The following NEMF variants were observed in gnomAD, a reference collection of about 807,000 sequenced individuals.
The protein encoded by NEMF is ribosome quality control complex subunit NEMF.
In NEMF, 89 loss-of-function variants were observed where a neutral mutation model predicts 162.2. That is an observed-to-expected ratio of 0.55 (90% CI 0.46 to 0.65). The LOEUF (loss-of-function observed/expected upper bound fraction) is 0.65. Among genes scored for constraint, NEMF ranks in the 30% least tolerant of loss-of-function variants. NEMF has a pLI of 0.00. For missense variants in NEMF, 1,133 were observed against 1,261.9 expected (o/e 0.90, Z 1.55); for synonymous variants, 421 against 404.5 (o/e 1.04, Z -0.49).
At position 49,804,008 on chromosome 14, in the gene NEMF, C is replaced by CT. The variant is rs777983337; in HGVS notation, c.1858-715dup. ...ACTGTTTTTGATAATAAAGTTTTGC[C>CT]TTTTTTTTTTTTTTGAGACAGAGTC... is the stretch of plus-strand genomic sequence containing the variant. On this transcript the variant is annotated intron_variant, in intron 19 of 32. Coordinates refer to ENST00000298310, the MANE Select transcript of NEMF (RefSeq NM_004713.6). Among the ~76,000 whole-genome samples, 1,017 of 139,556 alleles carry CT rather than the reference C, an allele frequency of 7.3e-3. 2 individuals are homozygous for CT. Among genetic ancestry groups the CT allele is most frequent in the Non-Finnish European group, 8.8e-3 (558 of 63,594 alleles). The allele number at this position is 139,556 out of a possible 152,430, so 91.6% of individuals were successfully genotyped here.
chr14:49,806,560 G>T (rs1778375915), intron 18 of NEMF, among the ~76,000 whole-genome samples: 1 of 151,038 alleles, frequency 6.6e-6, no homozygotes, highest in South Asian at 2.1e-4. Context: ...GAACCCGGCC[G>T]GTCAATCACA....
In NEMF at chr14:49,834,393, C is replaced by T; in HGVS notation, c.631G>A (p.Val211Ile). Residue 211 changes from valine to isoleucine, a missense_variant, in exon 7 of 33, where the codon GTC becomes ATC. Val to Ile is a conservative substitution (Grantham distance 29). This residue lies in a region of NEMF where 582 missense variants were observed against 631.5 expected (regional missense o/e 0.92). Coordinates refer to ENST00000298310, the MANE Select transcript of NEMF (RefSeq NM_004713.6). ...CLLENGFSGN[V>I]KVDEKLETKD... ...GTTTCAAGTTTTTCATCCACTTTGA[C>T]ATTACCCGAGAATCCATTTTCTAAA... 1 of 1,608,382 alleles carries T rather than the reference C, an allele frequency of 6.2e-7. No individual in the cohort carries two copies. Among genetic ancestry groups the T allele is most frequent in the Non-Finnish European group, 8.5e-7 (1 of 1,174,778 alleles).
chr14:49,827,813 C>CAA (rs749485902), intron 15 of NEMF, among the ~76,000 whole-genome samples: 1 of 124,868 alleles, frequency 8.0e-6, no homozygotes, highest in African/African-American at 3.0e-5. Context: ...AACTCCATCG[C>CAA]AAAAAAAAAA....
intron 16 of NEMF, among the ~76,000 whole-genome samples, chr14:49,818,094 T>C (rs895102263): frequency 6.6e-5 from 10 of 150,834 alleles, no homozygotes; most frequent in Non-Finnish European, 1.5e-5. Flanking sequence ...CTTTTTTTTT[T>C]TTTTTTTTTC....
chr14:49,784,540 A>G lies in NEMF; in HGVS notation c.*96T>C. On this transcript the variant is annotated 3_prime_UTR_variant, in exon 33 of 33. Coordinates refer to ENST00000298310, the MANE Select transcript of NEMF (RefSeq NM_004713.6). ...GCAAGGCAATGTTTAGTTCATTTTT[A>G]TAATGCGGAAATCCTGATACATGGT... is the stretch of plus-strand genomic sequence containing the variant. The G allele has an allele frequency of 1.2e-6, 1 of 826,224 alleles. No homozygotes were observed. The highest frequency in any genetic ancestry group is 2.0e-6 in the Non-Finnish European group (1 of 511,098). 51.2% of individuals were successfully genotyped at this position (826,224 alleles called of 1,614,324 possible). A position where few individuals can be genotyped will look rare whatever the true frequency, so the allele number is the denominator to read the frequency against.
At chr14:49,810,371 A>C (rs1407730390) in intron 18 of NEMF, among the ~76,000 whole-genome samples, 1 of 152,110 alleles carries the variant, frequency 6.6e-6, no homozygotes. Context: ...CATCTCAAAA[A>C]ACCAAAAACA....
In NEMF at chr14:49,840,802, T is replaced by G. The variant is rs1893164280; in HGVS notation, c.422A>C (p.Glu141Ala). The G allele has an allele frequency of 6.2e-7, 1 of 1,613,602 alleles. No homozygotes were observed. Among genetic ancestry groups the G allele is most frequent in the Non-Finnish European group, 8.5e-7 (1 of 1,179,634 alleles). ...ILNILRFRTD[E>A]ADDVKFAVRE... ...AACAGCAAATTTAACATCATCTGCC[T>G]CATCAGTTCGAAACCTTAGAATATT... Residue 141 changes from glutamate (E) to alanine (A), a missense_variant, in exon 5 of 33, where the codon GAG becomes GCG. This residue lies in a region of NEMF where 582 missense variants were observed against 631.5 expected (regional missense o/e 0.92). Transcript: ENST00000298310.
chr14:49,783,058 C>T lies in NEMF; in HGVS notation c.*1578G>A. On this transcript the variant is annotated 3_prime_UTR_variant, in exon 33 of 33. Transcript: ENST00000298310. ...TTATATGCATTGTTGTAGTTTGCAC[C>T]TGTTGGTTTTAATGTGCATGTGAAT... is the stretch of plus-strand genomic sequence containing the variant. 1 of 1,256,962 alleles carries T rather than the reference C, an allele frequency of 8.0e-7. No individual in the cohort carries two copies. Among genetic ancestry groups the T allele is most frequent in the Non-Finnish European group, 1.1e-6 (1 of 917,192 alleles). 77.9% of individuals were successfully genotyped at this position (1,256,962 alleles called of 1,614,324 possible). A position where few individuals can be genotyped will look rare whatever the true frequency, so the allele number is the denominator to read the frequency against.
chr14:49,784,777 C>CA (rs1890081186), intron 32 of NEMF, 64 bp from the exon 33 acceptor site: 2 of 1,502,582 alleles, frequency 1.3e-6, no homozygotes, highest in Admixed American at 1.9e-5. Flanking sequence ...TCTTTTATGA[C>CA]AAAAACGAAA....
chr14:49,817,989 A>C (rs1049290918), intron 16 of NEMF, among the ~76,000 whole-genome samples: 8 of 152,196 alleles, frequency 5.3e-5, no homozygotes, highest in African/African-American at 1.7e-4. Flanking sequence ...GGATAATCCT[A>C]GTCATCAACA....
intron 28 of NEMF, 113 bp from the exon 29 acceptor site, chr14:49,786,863 C>A: frequency 6.3e-6 from 6 of 959,748 alleles, no homozygotes; most frequent in African/African-American, 1.6e-5. Context: ...TCATTTCTGA[C>A]CCACAGGATA....
Position 49,800,609 on chromosome 14 carries a change from T to C in NEMF, c.2183A>G (p.Asp728Gly), listed in dbSNP as rs753561734. 1.2e-6 allele frequency: 2 copies of C among 1,613,866 alleles called. No homozygotes were observed. Among genetic ancestry groups the C allele is most frequent in the Non-Finnish European group, 8.5e-7 (1 of 1,179,802 alleles). ...ATCTCTGCCACTCTGAAGAGTGATA[T>C]CCTCTTGGTCAACCTGAGTCATGAG... ...VELMTQVDQE[D>G]ITLQSGRDEL... The change falls in exon 23 of 33, where the codon GAT becomes GGT. Residue 728 changes from aspartate (D) to glycine (G), a missense_variant. Asp to Gly is a moderately conservative substitution (Grantham distance 94). Coordinates refer to ENST00000298310, the MANE Select transcript of NEMF (RefSeq NM_004713.6).
At chr14:49,839,068 T>TA (rs1893061614) in intron 5 of NEMF, among the ~76,000 whole-genome samples, 1 of 5,824 alleles carries the variant, frequency 1.7e-4, no homozygotes, top group Non-Finnish European at 1.1e-3. Flanking sequence ...AGCATGTTAA[T>TA]TTTTTTTTTT....
In NEMF at chr14:49,782,543, C is replaced by A; in HGVS notation, c.*2093G>T. On this transcript the variant is annotated 3_prime_UTR_variant, in exon 33 of 33. Transcript: ENST00000298310. ...GTGTTCTTCCTATTTATTTTTCAGG[C>A]ACACAGTAATGAAATACTAATATTT... 6.2e-7 allele frequency: 1 copy of A among 1,606,274 alleles called. No individual in the cohort carries two copies. The highest frequency in any genetic ancestry group is 8.5e-7 in the Non-Finnish European group (1 of 1,174,558).
chr14:49,839,723 T>C (rs569087719), intron 5 of NEMF: 28 of 152,280 alleles, frequency 1.8e-4, no homozygotes, highest in African/African-American at 4.1e-4. Context: ...AAAAAACACA[T>C]TGGGCTTGCT....
chr14:49,790,975 A>G (rs529565562), intron 26 of NEMF, among the ~76,000 whole-genome samples: 227 of 152,060 alleles, frequency 1.5e-3, no homozygotes, highest in Non-Finnish European at 1.9e-3. Context: ...CCTGGGCAAC[A>G]AGAGTAAAAC....
chr14:49,851,554 CAA>C lies in NEMF; in HGVS notation c.231+7_231+8del. 6.3e-7 allele frequency: 1 copy of C among 1,594,744 alleles called. No individual in the cohort carries two copies. The highest frequency in any genetic ancestry group is 1.3e-5 in the African/African-American group (1 of 74,652). On this transcript the variant is annotated splice_region_variant and intron_variant, in intron 3 of 32. Transcript: ENST00000298310. ...TCTTAAAATTTAGCTTCAAGCGTAACAAGTTTACCTTCATGGCAAAACTAGAC... is the reference window on the plus strand; with the variant it reads ...TCTTAAAATTTAGCTTCAAGCGTAACGTTTACCTTCATGGCAAAACTAGAC...
At chr14:49,788,317 C>T (rs1428095938) in intron 28 of NEMF, among the ~76,000 whole-genome samples, 1 of 146,544 alleles carries the variant, frequency 6.8e-6, no homozygotes, top group African/African-American at 2.5e-5. Context: ...GGTACATATT[C>T]ATGTAAGAAG....
At chr14:49,840,673 C>T (rs779180401) in intron 5 of NEMF, 45 bp downstream of exon 5, 2 of 1,557,260 alleles carry the variant, frequency 1.3e-6, no homozygotes, top group Non-Finnish European at 1.7e-6. Context: ...TTGCCCAGTA[C>T]ATTTTAATAC....
Sources: allele counts gnomAD v4.1 joint callset (sites outside exome capture counted in the v4.1 genomes callset), GRCh38; gene constraint gnomAD v4.1.1; regional missense constraint gnomAD v4.1.1; transcripts MANE v1.5; gene names NCBI Gene and HGNC (gene_info 2026-07-23, HGNC 2026-07-21).